Variants in SLC35F3 observed in about 807,000 individuals in gnomAD.
SLC35F3 encodes solute carrier family 35 member F3, also known as putative thiamine transporter SLC35F3.
Under a neutral mutation model 49.9 loss-of-function variants are expected in SLC35F3, and 25 were observed. That is an observed-to-expected ratio of 0.50 (90% CI 0.37 to 0.70). SLC35F3 has a LOEUF of 0.70. SLC35F3 is among the 30% of genes least tolerant of loss of function. The probability of loss-of-function intolerance (pLI) is 0.00; values close to 1 mark genes in which losing one functional copy is unlikely to be tolerated. For synonymous variants in SLC35F3, 275 were observed against 265.4 expected, an observed-to-expected ratio of 1.04 and a Z score of -0.35; for missense variants, 525 against 639.8, an observed-to-expected ratio of 0.82 and a Z score of 1.94.
chr1:233,914,125 A>G (rs1414229802), intron 2 of SLC35F3, among the ~76,000 whole-genome samples: 1 of 152,058 alleles, frequency 6.6e-6, no homozygotes, highest in Admixed American at 6.6e-5. Context: ...GACTGACATC[A>G]TCTTCCTCCT....
chr1:234,109,476 C>A (rs574659012), intron 2 of SLC35F3, among the ~76,000 whole-genome samples: 11 of 152,292 alleles, frequency 7.2e-5, no homozygotes, highest in African/African-American at 2.6e-4. Context: ...CCCCAGAGAA[C>A]CCACCTTGAA....
chr1:234,087,980 C>T (rs560815347), intron 2 of SLC35F3, among the ~76,000 whole-genome samples: 29 of 152,334 alleles, frequency 1.9e-4, no homozygotes, highest in Non-Finnish European at 3.4e-4. Context: ...TCCACACCTG[C>T]CTCCAGCTTA....
At chr1:234,013,312 G>C (rs1663753219) in intron 2 of SLC35F3, among the ~76,000 whole-genome samples, 1 of 151,984 alleles carries the variant, frequency 6.6e-6, no homozygotes, top group Non-Finnish European at 1.5e-5. Context: ...CAACCTACAG[G>C]ATGCAAAAAC....
intron 2 of SLC35F3, among the ~76,000 whole-genome samples, chr1:234,140,356 A>C (rs964502408): frequency 3.3e-4 from 50 of 152,176 alleles, no homozygotes; most frequent in Admixed American, 1.9e-3. Flanking sequence ...TATTCACATA[A>C]ATTTTATTAT....
chr1:234,245,825 T>C (rs1168236327), intron 3 of SLC35F3, among the ~76,000 whole-genome samples: 3 of 152,214 alleles, frequency 2.0e-5, no homozygotes, highest in Non-Finnish European at 4.4e-5. Context: ...GTAATCACAC[T>C]GCGTTCATGG....
At chr1:234,260,850 C>T (rs150753517) in intron 3 of SLC35F3, among the ~76,000 whole-genome samples, 40 of 152,306 alleles carry the variant, frequency 2.6e-4, no homozygotes, top group African/African-American at 8.4e-4. Context: ...AAGAACAAGA[C>T]ACTTTACTGC....
chr1:233,965,612 A>T (rs1226452657), intron 2 of SLC35F3, among the ~76,000 whole-genome samples: 1 of 152,194 alleles, frequency 6.6e-6, no homozygotes, highest in Non-Finnish European at 1.5e-5. Context: ...ATCAGAAAGA[A>T]GCCAAGGGCC....
chr1:233,955,877 T>C (rs528863446), intron 2 of SLC35F3, among the ~76,000 whole-genome samples: 1,335 of 125,616 alleles, frequency 0.011, 11 homozygotes, highest in Non-Finnish European at 0.016. Flanking sequence ...GGTGTGGGTA[T>C]CTTTTTTTTT....
At chr1:233,932,518 TTCTTTCTGGGGTGGC>T (rs1241030160) in intron 2 of SLC35F3, among the ~76,000 whole-genome samples, 4 of 152,194 alleles carry the variant, frequency 2.6e-5, no homozygotes, top group African/African-American at 9.7e-5. Flanking sequence ...TGTGGAAGCC[TTCTTTCTGGGGTGGC>T]AGAAATCTAT....
intron 2 of SLC35F3, among the ~76,000 whole-genome samples, chr1:234,070,200 A>G (rs1316688788): frequency 2.0e-5 from 3 of 152,162 alleles, no homozygotes; most frequent in East Asian, 1.9e-4. Flanking sequence ...TGTGAAGATG[A>G]GATCTCATGC....
At chr1:234,138,789 G>A (rs903331309) in intron 2 of SLC35F3, among the ~76,000 whole-genome samples, 1 of 152,180 alleles carries the variant, frequency 6.6e-6, no homozygotes, top group Non-Finnish European at 1.5e-5. Context: ...GGCATCAAGT[G>A]ATTCTTCCTC....
chr1:234,095,544 A>G (rs1299682991), intron 2 of SLC35F3, among the ~76,000 whole-genome samples: 2 of 152,222 alleles, frequency 1.3e-5, no homozygotes, highest in South Asian at 2.1e-4. Flanking sequence ...TGTAAGTTCA[A>G]TGCTCGTAAT....
At chr1:233,951,896 A>G (rs1049625179) in intron 2 of SLC35F3, among the ~76,000 whole-genome samples, 10 of 152,058 alleles carry the variant, frequency 6.6e-5, no homozygotes, top group African/African-American at 2.4e-4. Context: ...TATGTCAAAT[A>G]TATTTTAAAA....
chr1:233,918,644 G>A (rs958768809), intron 2 of SLC35F3, among the ~76,000 whole-genome samples: 5 of 152,040 alleles, frequency 3.3e-5, no homozygotes, highest in African/African-American at 9.7e-5. Context: ...GCGGGCACCT[G>A]TAATGCCAGC....
At chr1:234,248,943 C>T (rs918153300) in intron 3 of SLC35F3, among the ~76,000 whole-genome samples, 5 of 152,188 alleles carry the variant, frequency 3.3e-5, no homozygotes, top group Non-Finnish European at 7.4e-5. Flanking sequence ...AGGGATCCTC[C>T]AGGTTTCTTC....
intron 2 of SLC35F3, among the ~76,000 whole-genome samples, chr1:234,177,486 A>C (rs1176149088): frequency 6.6e-6 from 1 of 152,220 alleles, no homozygotes; most frequent in Non-Finnish European, 1.5e-5. Flanking sequence ...GGAAAACAGC[A>C]TGAAAAAGCC....
At chr1:234,129,951 TA>T (rs1180462397) in intron 2 of SLC35F3, among the ~76,000 whole-genome samples, 1 of 152,126 alleles carries the variant, frequency 6.6e-6, no homozygotes, top group African/African-American at 2.4e-5. Context: ...GCTAATACTA[TA>T]AAACCTCCAG....
intron 2 of SLC35F3, among the ~76,000 whole-genome samples, chr1:233,975,460 G>A (rs527997272): frequency 4.6e-5 from 7 of 152,224 alleles, no homozygotes; most frequent in Non-Finnish European, 5.9e-5. Flanking sequence ...TGTCAATCAC[G>A]GCCCCGTGAG....
In SLC35F3 at chr1:234,214,379, C is replaced by A; in HGVS notation, c.284-17038C>A. The A allele has an allele frequency of 7.4e-7, 1 of 1,358,866 alleles. No homozygotes were observed. The allele number at this position is 1,358,866 out of a possible 1,614,324, so 84.2% of individuals were successfully genotyped here. On this transcript the variant is annotated intron_variant, in intron 2 of 7. Coordinates refer to ENST00000366618, the MANE Select transcript of SLC35F3 (RefSeq NM_173508.4). The surrounding 1 kb of genome is among the most constrained non-coding windows in gnomAD (Gnocchi z 8.0). Reference sequence around the variant, plus strand: ...GGAGGCCGGGACTGAGAGGGGCGAGCCGCTGGTGCTCCCCGGCGGCAGAGG... The same window carrying A: ...GGAGGCCGGGACTGAGAGGGGCGAGACGCTGGTGCTCCCCGGCGGCAGAGG...
Sources: gnomAD v4.1 joint callset for allele counts (sites outside exome capture counted in the v4.1 genomes callset) on GRCh38, gnomAD v4.1.1 for gene constraint, Gnocchi (gnomAD v3.1) non-coding constraint, MANE v1.5 for transcripts, NCBI Gene and HGNC (gene_info 2026-07-23, HGNC 2026-07-21) for gene names.